Variants in GRM1 observed in about 807,000 individuals in gnomAD.
GRM1 encodes the protein metabotropic glutamate receptor 1.
GRM1 carries 33 observed loss-of-function variants against 90.9 expected under a neutral mutation model. The ratio of observed to expected loss-of-function variants is 0.36; its 90% CI spans 0.28 to 0.49. The LOEUF (loss-of-function observed/expected upper bound fraction) is 0.49. Among genes scored for constraint, GRM1 ranks in the 20% least tolerant of loss-of-function variants. The pLI, the probability that GRM1 is intolerant of heterozygous loss-of-function variation, is 0.99. For missense variants in GRM1, 1,190 were observed against 1,534.3 expected, an observed-to-expected ratio of 0.78 and a Z score of 3.75; for synonymous variants, 700 against 613.2, an observed-to-expected ratio of 1.14 and a Z score of -2.09.
intron 1 of GRM1, among the ~76,000 whole-genome samples, chr6:146,110,610 C>G (rs1426209217): frequency 6.6e-6 from 1 of 152,196 alleles, no homozygotes; most frequent in Admixed American, 6.5e-5. Context: ...CTCAATGAAT[C>G]AGAAGACCCA....
chr6:146,163,562 G>A (rs1246295761), intron 2 of GRM1, among the ~76,000 whole-genome samples: 2 of 152,184 alleles, frequency 1.3e-5, no homozygotes, highest in Non-Finnish European at 2.9e-5. Context: ...TGAAGTTAGG[G>A]ACTGCAACAT....
intron 7 of GRM1, among the ~76,000 whole-genome samples, chr6:146,426,361 A>C (rs1778211238): frequency 6.6e-6 from 1 of 152,128 alleles, no homozygotes. Context: ...AAAGAGATGC[A>C]CCCCACTGAC....
chr6:146,424,606 A>G (rs1227484323), intron 7 of GRM1, among the ~76,000 whole-genome samples: 2 of 152,220 alleles, frequency 1.3e-5, no homozygotes, highest in Admixed American at 1.3e-4. Flanking sequence ...AGAGCACTAA[A>G]CATCAAGTGC....
At chr6:146,184,840 A>G (rs1451915179) in intron 2 of GRM1, among the ~76,000 whole-genome samples, 1 of 152,188 alleles carries the variant, frequency 6.6e-6, no homozygotes, top group Non-Finnish European at 1.5e-5. Flanking sequence ...CAGGAAAGGA[A>G]TGTGTCAGAG....
intron 2 of GRM1, among the ~76,000 whole-genome samples, chr6:146,260,701 T>C (rs1191906631): frequency 6.6e-6 from 1 of 151,962 alleles, no homozygotes; most frequent in Non-Finnish European, 1.5e-5. Flanking sequence ...TGCATTTCCC[T>C]GATGATTAAT....
chr6:146,090,434 C>A (rs1228174475), intron 1 of GRM1, among the ~76,000 whole-genome samples: 1 of 152,046 alleles, frequency 6.6e-6, no homozygotes, highest in Non-Finnish European at 1.5e-5. Flanking sequence ...ATTTTAAGAC[C>A]CAGCCTATAG....
chr6:146,338,815 C>G (rs917184541), intron 3 of GRM1, among the ~76,000 whole-genome samples: 2 of 152,174 alleles, frequency 1.3e-5, no homozygotes, highest in Non-Finnish European at 2.9e-5. Flanking sequence ...CCCCTCCACA[C>G]TCGGTATCTC....
chr6:146,197,903 G>A (rs1779174748), intron 2 of GRM1, among the ~76,000 whole-genome samples: 1 of 152,196 alleles, frequency 6.6e-6, no homozygotes, highest in Non-Finnish European at 1.5e-5. Context: ...AAGTTCTAGA[G>A]ATCTGCTGTA....
At chr6:146,202,935 T>C (rs753393446) in intron 2 of GRM1, among the ~76,000 whole-genome samples, 34 of 151,932 alleles carry the variant, frequency 2.2e-4, no homozygotes, top group East Asian at 3.9e-4. Flanking sequence ...GTGGCTCACG[T>C]TTGTAATCCC....
intron 6 of GRM1, among the ~76,000 whole-genome samples, chr6:146,392,025 T>C (rs1014821304): frequency 1.3e-5 from 2 of 152,164 alleles, no homozygotes; most frequent in African/African-American, 4.8e-5. Flanking sequence ...TGGACAACTT[T>C]ATGATTATCC....
At chr6:146,255,302 T>C (rs554989575) in intron 2 of GRM1, among the ~76,000 whole-genome samples, 1 of 152,326 alleles carries the variant, frequency 6.6e-6, no homozygotes. Context: ...TTCTTTATTT[T>C]TTATTTTAGT....
chr6:146,097,510 A>T (rs907712824), intron 1 of GRM1, among the ~76,000 whole-genome samples: 1 of 152,202 alleles, frequency 6.6e-6, no homozygotes, highest in Admixed American at 6.5e-5. Context: ...GCAAAACTAC[A>T]TGCTGGGTCA....
rs770947470 is a variant in GRM1, at chr6:146,434,571, A to G, written c.3360A>G (p.Glu1120=). 8.1e-6 allele frequency: 13 copies of G among 1,613,948 alleles called. No homozygotes were observed. Among genetic ancestry groups the G allele is most frequent in the South Asian group, 1.1e-5 (1 of 91,084 alleles). The change falls in exon 8 of 8, where the codon GAA becomes GAG. Residue 1120 remains glutamate (E), a synonymous_variant. Coordinates refer to ENST00000282753, the MANE Select transcript of GRM1 (RefSeq NM_001278064.2). ...VYEHEREGNT[E]EDELEEEEED... ...AGCACGAGCGGGAAGGGAACACGGA[A>G]GAAGACGAACTGGAAGAGGAGGAGG...
intron 2 of GRM1, among the ~76,000 whole-genome samples, chr6:146,286,026 C>T (rs1782755757): frequency 6.6e-6 from 1 of 152,164 alleles, no homozygotes; most frequent in Non-Finnish European, 1.5e-5. Flanking sequence ...GAGCTTCCCA[C>T]ACCTTTAGAA....
chr6:146,312,219 T>C (rs1783796612), intron 3 of GRM1, among the ~76,000 whole-genome samples: 1 of 151,542 alleles, frequency 6.6e-6, no homozygotes, highest in Non-Finnish European at 1.5e-5. Context: ...CGGGCACCTG[T>C]AATCCCAGCT....
At chr6:146,349,228 G>A (rs1016615847) in intron 3 of GRM1, among the ~76,000 whole-genome samples, 8 of 131,972 alleles carry the variant, frequency 6.1e-5, no homozygotes, top group East Asian at 2.1e-4. Context: ...CACCATGCCC[G>A]GCTATTTTTT....
chr6:146,094,010 G>T (rs767162586), intron 1 of GRM1, among the ~76,000 whole-genome samples: 2 of 152,008 alleles, frequency 1.3e-5, no homozygotes, highest in Non-Finnish European at 2.9e-5. Flanking sequence ...TTGTTTAGAG[G>T]CTCAGAATTT....
chr6:146,381,045 G>A (rs1776300085), intron 5 of GRM1, among the ~76,000 whole-genome samples: 1 of 152,156 alleles, frequency 6.6e-6, no homozygotes, highest in African/African-American at 2.4e-5. Flanking sequence ...CAAGTGGAAA[G>A]AAGAGGTCTC....
At chr6:146,283,560 G>A (rs144172510) in intron 2 of GRM1, among the ~76,000 whole-genome samples, 9 of 152,308 alleles carry the variant, frequency 5.9e-5, no homozygotes, top group African/African-American at 1.9e-4. Flanking sequence ...TTGGCCTGTG[G>A]TGTTTATCTC....
Sources: gnomAD v4.1 joint callset for allele counts (sites outside exome capture counted in the v4.1 genomes callset) on GRCh38, gnomAD v4.1.1 for gene constraint, MANE v1.5 for transcripts, NCBI Gene and HGNC (gene_info 2026-07-23, HGNC 2026-07-21) for gene names.